NEB: variants seen among roughly 807,000 people sequenced by gnomAD.
NEB encodes the protein nemaline myopathy type 2.
NEB carries 512 observed loss-of-function variants against 952.2 expected under a neutral mutation model. The observed-to-expected ratio is 0.54, with a 90% CI of 0.50 to 0.58. NEB has a LOEUF of 0.58. Among genes scored for constraint, NEB ranks in the 20% least tolerant of loss-of-function variants. The pLI is 0.00. For missense variants in NEB, 8,428 were observed against 9,231.1 expected (o/e 0.91, Z 3.56); for synonymous variants, 2,900 against 3,149.8 (o/e 0.92, Z 2.66).
At chr2:151,713,899 T>C (rs1241088471) in intron 10 of NEB, among the ~76,000 whole-genome samples, 1 of 152,198 alleles carries the variant, frequency 6.6e-6, no homozygotes, top group Non-Finnish European at 1.5e-5. Context: ...GTGTAATCAC[T>C]GCAGATATGC....
At position 151,733,012 on chromosome 2, in the gene NEB, G is replaced by C. The variant is rs143238266; in HGVS notation, c.36+109C>G. ...CTTATGCTTTAAATGATGACTCTTT[G>C]TGAAGTTATAATAGACAATGTATTT... On this transcript the variant is annotated intron_variant, in intron 3 of 181. Transcript: ENST00000397345. The C allele has an allele frequency of 6.3e-5, 58 of 921,938 alleles. No homozygotes were observed. In the East Asian group the frequency reaches 1.3e-3, roughly 21 times the overall value. The allele number at this position is 921,938 out of a possible 1,614,324, so 57.1% of individuals were successfully genotyped here. A position where few individuals can be genotyped will look rare whatever the true frequency, so the allele number is the denominator to read the frequency against.
At chr2:151,689,197 C>CTTTTTTTTT (rs11305294) in intron 24 of NEB, 4 of 57,890 alleles carry the variant, frequency 6.9e-5, no homozygotes, top group Admixed American at 3.0e-4. Flanking sequence ...GATATATACT[C>CTTTTTTTTT]TTTTTTTTTT....
At chr2:151,504,101 T>G (rs2153134923) in intron 165 of NEB, among the ~76,000 whole-genome samples, 1 of 152,308 alleles carries the variant, frequency 6.6e-6, no homozygotes, top group Admixed American at 6.5e-5. Flanking sequence ...TTAAGGAACC[T>G]CCACTCTCTG....
At chr2:151,617,713 T>C (rs1377118492) in intron 74 of NEB, among the ~76,000 whole-genome samples, 1 of 151,904 alleles carries the variant, frequency 6.6e-6, no homozygotes, top group Non-Finnish European at 1.5e-5. Flanking sequence ...TAGGAAAGAG[T>C]TATAGCACAC....
In NEB at chr2:151,642,622, A is replaced by T; in HGVS notation, c.8325T>A (p.Asp2775Glu). The T allele has an allele frequency of 1.9e-6, 3 of 1,613,972 alleles. No homozygotes were observed. The highest frequency in any genetic ancestry group is 2.5e-6 in the Non-Finnish European group (3 of 1,179,850). Residue 2775 changes from aspartate (D) to glutamate (E), a missense_variant, in exon 60 of 182, where the codon GAT becomes GAA. By Grantham distance (45) the Asp-to-Glu change is conservative. This residue lies in a region of NEB where 1,772 missense variants were observed against 1,960.3 expected (regional missense o/e 0.90). Coordinates refer to ENST00000397345, the MANE Select transcript of NEB (RefSeq NM_001164508.2). ...AKRKGYDMRVDAIPIKAAKAS... is the reference protein window; with the variant it reads ...AKRKGYDMRVEAIPIKAAKAS... ...CCTTGGCTGCCTTGATAGGAATGGC[A>T]TCTACCCGCATGTCATAACCTTTCC...
At position 151,492,511 on chromosome 2, in the gene NEB, C is replaced by T. The variant is rs141586484; in HGVS notation, c.24766-17G>A. 6.4e-6 allele frequency: 10 copies of T among 1,564,656 alleles called. 1 individual carries two copies. In the East Asian group the frequency reaches 1.3e-4, roughly 21 times the overall value. On this transcript the variant is annotated splice_polypyrimidine_tract_variant and intron_variant, in intron 176 of 181. Transcript: ENST00000397345. ...ATAAAGAACCTGATGCAGGAGAGACCGTGAATGAGTGGTGCTGTCCTAAAT... is the reference window on the plus strand; with the variant it reads ...ATAAAGAACCTGATGCAGGAGAGACTGTGAATGAGTGGTGCTGTCCTAAAT...
At chr2:151,628,663 C>T (rs1326364101) in intron 68 of NEB, among the ~76,000 whole-genome samples, 1 of 151,802 alleles carries the variant, frequency 6.6e-6, no homozygotes, top group Non-Finnish European at 1.5e-5. Flanking sequence ...CAACATGGTG[C>T]AACGCTGTCT....
Position 151,619,442 on chromosome 2 carries a change from G to C in NEB, c.10872+9C>G. On this transcript the variant is annotated intron_variant, in intron 73 of 181. Transcript: ENST00000397345. ...TTTAACATGCAGAGCTAACATCAAG[G>C]AAACTTACGTCACTCTGGAGGTCAT... 6.3e-7 allele frequency: 1 copy of C among 1,582,824 alleles called. No homozygotes were observed. The highest frequency in any genetic ancestry group is 8.6e-7 in the Non-Finnish European group (1 of 1,160,396).
chr2:151,686,437 T>G (rs2099499137), intron 27 of NEB, among the ~76,000 whole-genome samples: 1 of 152,168 alleles, frequency 6.6e-6, no homozygotes, highest in Non-Finnish European at 1.5e-5. Context: ...AAAATACACA[T>G]GCTATCAATG....
chr2:151,610,927 A>G lies in NEB; in HGVS notation c.11806-61T>C, dbSNP rs558230126. 133 of 992,448 alleles carry G rather than the reference A, an allele frequency of 1.3e-4. 1 individual carries two copies. In the African/African-American group the frequency reaches 2.1e-3, roughly 16 times the overall value. 61.5% of individuals were successfully genotyped at this position (992,448 alleles called of 1,614,324 possible). ...GAGGGAGTATAAGACCTTCTGTTAA[A>G]GCCAATAACATCATTACAGTTGTTA... On this transcript the variant is annotated intron_variant, in intron 78 of 181. Coordinates refer to ENST00000397345, the MANE Select transcript of NEB (RefSeq NM_001164508.2).
At chr2:151,574,119 C>T (rs1441417605) in intron 107 of NEB, among the ~76,000 whole-genome samples, 1 of 152,132 alleles carries the variant, frequency 6.6e-6, no homozygotes, top group Non-Finnish European at 1.5e-5. Context: ...GGACTACAGG[C>T]ACCCACCACC....
intron 76 of NEB, 132 bp from the exon 77 acceptor site, chr2:151,614,719 C>G (rs932123044): frequency 1.8e-6 from 2 of 1,139,838 alleles, no homozygotes; most frequent in African/African-American, 3.1e-5. Context: ...TATCATCAAC[C>G]CTATTTTTAA....
In NEB at chr2:151,697,382, G is replaced by A. The variant is rs771832822; in HGVS notation, c.1333C>T (p.His445Tyr). Residue 445 changes from histidine (H) to tyrosine (Y), a missense_variant, in exon 15 of 182, where the codon CAC becomes TAC. Transcript: ENST00000397345. The part of the protein sequence containing the change: ...VGSFEDPYHS[H>Y]CMKVTAQNSD... ...TTTTGAGCTGTGACTTTCATGCAGT[G>A]TGAATGGTATGGATCCTCGAAGCTG... is the stretch of plus-strand genomic sequence containing the variant. The A allele has an allele frequency of 9.3e-6, 15 of 1,613,934 alleles. No individual in the cohort carries two copies. Among genetic ancestry groups the A allele is most frequent in the Non-Finnish European group, 1.3e-5 (15 of 1,179,812 alleles).
chr2:151,505,688 C>T, intron 164 of NEB, 118 bp from the exon 165 acceptor site: 1 of 816,738 alleles, frequency 1.2e-6, no homozygotes, highest in Non-Finnish European at 2.1e-6. Flanking sequence ...GTAAATAACG[C>T]AGGCTTTATA....
At chr2:151,546,290 T>G in intron 134 of NEB, 55 bp downstream of exon 134, 2 of 1,388,846 alleles carry the variant, frequency 1.4e-6, no homozygotes, top group South Asian at 2.5e-5. Flanking sequence ...AGGCTGGTGA[T>G]GGGGGCATCC....
At position 151,671,188 on chromosome 2, in the gene NEB, G is replaced by A. The variant is rs576286059; in HGVS notation, c.4341C>T (p.Ile1447=). The A allele has an allele frequency of 2.9e-5, 47 of 1,613,866 alleles. No individual in the cohort carries two copies. Among genetic ancestry groups the A allele is most frequent in the South Asian group, 2.9e-4 (26 of 91,062 alleles). ...KDEYNSFLKG[I]GWIPIGSLEV... is the part of the protein sequence containing the mutation. Reference sequence around the variant, plus strand: ...CCAGGGAACCAATAGGGATCCATCCGATGCCCTTCAAGAAGCTGTTATACT... The same window carrying A: ...CCAGGGAACCAATAGGGATCCATCCAATGCCCTTCAAGAAGCTGTTATACT... The change falls in exon 38 of 182, where the codon ATC becomes ATT. Residue 1447 remains isoleucine, a synonymous_variant. Transcript: ENST00000397345.
chr2:151,485,630 T>C lies in NEB; in HGVS notation c.*130A>G. The C allele has an allele frequency of 1.2e-6, 1 of 829,236 alleles. No individual in the cohort carries two copies. Among genetic ancestry groups the C allele is most frequent in the South Asian group, 2.5e-5 (1 of 40,622 alleles). The allele number at this position is 829,236 out of a possible 1,614,324, so 51.4% of individuals were successfully genotyped here. ...AAACCCAAAGGAGAAAGGATGGTAC[T>C]ACCATAAATCACATTGACACAGAAA... On this transcript the variant is annotated 3_prime_UTR_variant, in exon 182 of 182. Coordinates refer to ENST00000397345, the MANE Select transcript of NEB (RefSeq NM_001164508.2).
chr2:151,575,980 T>A (rs1467874453), intron 106 of NEB, among the ~76,000 whole-genome samples, 171 bp downstream of exon 106: 1 of 152,156 alleles, frequency 6.6e-6, no homozygotes, highest in Non-Finnish European at 1.5e-5. Flanking sequence ...TTATTCCCTT[T>A]TATTAGAGTT....
intron 5 of NEB, 128 bp from the exon 6 acceptor site, chr2:151,725,688 G>T: frequency 1.5e-6 from 1 of 684,802 alleles, no homozygotes; most frequent in Non-Finnish European, 2.5e-6. Flanking sequence ...CTTTCTTTTT[G>T]TCCCCTACCC....
Sources: gnomAD v4.1 joint callset for allele counts (sites outside exome capture counted in the v4.1 genomes callset) on GRCh38, gnomAD v4.1.1 for gene constraint, gnomAD v4.1.1 regional missense constraint, MANE v1.5 for transcripts, NCBI Gene and HGNC (gene_info 2026-07-23, HGNC 2026-07-21) for gene names.